AKR1C2: variants seen among roughly 807,000 people sequenced by gnomAD.
The protein encoded by AKR1C2 is 3-alpha-HSD3.
A neutral mutation model predicts 39.8 loss-of-function variants in AKR1C2; 27 were observed. The observed-to-expected ratio is 0.68, with a 90% CI of 0.50 to 0.93. The LOEUF is 0.93. Ranked by LOEUF, AKR1C2 falls within the 40% of genes least tolerant of loss-of-function variation. The pLI, the probability that AKR1C2 is intolerant of heterozygous loss-of-function variation, is 0.00. For missense variants in AKR1C2, 263 were observed against 365.1 expected (o/e 0.72, Z 2.28); for synonymous variants, 114 against 137.9 (o/e 0.83, Z 1.22).
At chr10:5,007,491 G>A (rs1368113580), upstream of AKR1C2, 4 of 151,756 alleles carry the variant, frequency 2.6e-5, no homozygotes, top group Admixed American at 6.6e-5. Context: ...GATGCAGTAT[G>A]TCATTCCAAT....
upstream of AKR1C2, among the ~76,000 whole-genome samples, chr10:5,006,765 C>CA (rs1204849904): frequency 5.4e-4 from 80 of 146,886 alleles, no homozygotes; most frequent in African/African-American, 1.9e-3. Flanking sequence ...CCATATTTGG[C>CA]AAAAAAATTA....
At chr10:5,000,353 A>T in intron 3 of AKR1C2, 197 bp downstream of exon 3, 1 of 1,541,602 alleles carries the variant, frequency 6.5e-7, no homozygotes, top group Non-Finnish European at 8.7e-7. Context: ...CTTTTCTTGT[A>T]GACATGCAAT....
intron 5 of AKR1C2, among the ~76,000 whole-genome samples, chr10:4,997,820 A>G (rs1229481052): frequency 6.6e-6 from 1 of 152,242 alleles, no homozygotes; most frequent in Non-Finnish European, 1.5e-5. Context: ...TGTGTGTAAC[A>G]TTTGGGGGCA....
rs542663015 is a variant in AKR1C2 at position 5,010,127 on chromosome 10, C to T, written c.-87-6205G>A. Among the ~76,000 whole-genome samples, 682 of 144,186 alleles carry T rather than the reference C, an allele frequency of 4.7e-3. 4 individuals are homozygous for T. The highest frequency in any genetic ancestry group is 0.017 in the African/African-American group (644 of 38,650). 94.6% of individuals were successfully genotyped at this position (144,186 alleles called of 152,430 possible). A position where few individuals can be genotyped will look rare whatever the true frequency, so the allele number is the denominator to read the frequency against. On this transcript the variant is annotated intron_variant, in intron 1 of 6. Coordinates refer to the AKR1C2 transcript ENST00000604507. ...GGTCCATGGAGCTGCAGACTCAAGC[C>T]GTCTGCAGATGGCAAAGCTGAAAGA...
chr10:4,990,512 A>G (rs61854355), intron 8 of AKR1C2, among the ~76,000 whole-genome samples: 12,604 of 152,242 alleles, frequency 0.083, 554 homozygotes, highest in Middle Eastern at 0.13. Context: ...ATTACTTACT[A>G]CCTGCCTATC....
rs782239095 is a variant in AKR1C2, at chr10:4,995,742, G to A, written c.680+14C>T. On this transcript the variant is annotated intron_variant, in intron 6 of 8. Transcript: ENST00000380753. ...AACCAGTGTTTTAGGTAAACTTCCT[G>A]TATCTCTTATTACCATGGTTCTTCT... 6.2e-7 allele frequency: 1 copy of A among 1,606,646 alleles called. No homozygotes were observed. Among genetic ancestry groups the A allele is most frequent in the Non-Finnish European group, 8.5e-7 (1 of 1,178,030 alleles).
chr10:4,988,303 G>A lies in AKR1C2; in HGVS notation c.*1693C>T, dbSNP rs1447640605. ...GTTAAGGTAGAACAGGATGGCCATG[G>A]TTTACATGAGATTTCTTTGAGACAT... On this transcript the variant is annotated 3_prime_UTR_variant, in exon 9 of 9. Coordinates refer to ENST00000380753, the MANE Select transcript of AKR1C2 (RefSeq NM_001393392.1). 6.6e-6 allele frequency: 1 copy of A among 152,166 alleles called. No individual in the cohort carries two copies. Among genetic ancestry groups the A allele is most frequent in the African/African-American group, 2.4e-5 (1 of 41,436 alleles). The allele number at this position is 152,166 out of a possible 1,614,324, so 9.4% of individuals were successfully genotyped here.
At chr10:5,010,824 C>T (rs1427409955) in intron 1 of AKR1C2, among the ~76,000 whole-genome samples, 1 of 152,108 alleles carries the variant, frequency 6.6e-6, no homozygotes, top group Admixed American at 6.5e-5. Context: ...AATAGCTTTG[C>T]AAGCTTTTAA....
intron 1 of AKR1C2, among the ~76,000 whole-genome samples, chr10:5,003,512 G>A (rs555696794): frequency 5.3e-5 from 8 of 151,326 alleles, no homozygotes; most frequent in South Asian, 2.2e-4. Context: ...CAGGCAAGCC[G>A]TGTTCTTTCT....
chr10:4,996,436 A>C (rs1837042854), intron 5 of AKR1C2, among the ~76,000 whole-genome samples: 1 of 149,344 alleles, frequency 6.7e-6, no homozygotes, highest in East Asian at 1.9e-4. Flanking sequence ...TTGTATGTTG[A>C]TATCTCAAAT....
upstream of AKR1C2, chr10:5,007,397 A>C (rs1338257321): frequency 1.3e-5 from 2 of 151,606 alleles, no homozygotes; most frequent in Admixed American, 6.6e-5. Context: ...AATGTGAAGC[A>C]GAAACGTACC....
chr10:4,998,710 G>C lies in AKR1C2; in HGVS notation c.485C>G (p.Ser162Cys). Reference protein sequence around the residue: ...EKCKDAGLAKSIGVSNFNHRL... With the variant: ...EKCKDAGLAKCIGVSNFNHRL... ...GTGGTTGAAGTTGGACACCCCGATG[G>C]ACTTGGCCAATCCTGCATCTTTACA... The change falls in exon 5 of 9, where the codon TCC becomes TGC. Residue 162 changes from serine to cysteine, a missense_variant. This residue lies in a region of AKR1C2 where 247 missense variants were observed against 267.9 expected (regional missense o/e 0.92). Transcript: ENST00000380753. 6.2e-7 allele frequency: 1 copy of C among 1,614,166 alleles called. No individual in the cohort carries two copies. The highest frequency in any genetic ancestry group is 8.5e-7 in the Non-Finnish European group (1 of 1,180,028).
chr10:4,992,679 G>C (rs541875529), intron 7 of AKR1C2, among the ~76,000 whole-genome samples: 1 of 147,452 alleles, frequency 6.8e-6, no homozygotes, highest in Non-Finnish European at 1.5e-5. Context: ...TGCCGGGCAC[G>C]TTGGCTCACG....
At position 5,001,458 on chromosome 10, in the gene AKR1C2, C is replaced by G. The variant is rs1837269848; in HGVS notation, c.252+56G>C. 7 of 1,571,666 alleles carry G rather than the reference C, an allele frequency of 4.5e-6. No homozygotes were observed. The South Asian group carries it at 8.5e-5, about 19-fold the overall frequency. On this transcript the variant is annotated intron_variant, in intron 2 of 8. Transcript: ENST00000380753. The stretch of plus-strand genomic sequence containing the variant: ...TATGGATCCAGTCATAGAACTGCCA[C>G]CTCCACACAATCACAATAAATACAT...
intron 5 of AKR1C2, among the ~76,000 whole-genome samples, chr10:4,997,784 A>G (rs1473332710): frequency 8.5e-5 from 13 of 152,224 alleles, no homozygotes; most frequent in Admixed American, 2.0e-4. Context: ...GTTACTGGGA[A>G]AGGTGTAGTG....
chr10:4,991,872 T>A lies in AKR1C2; in HGVS notation c.888A>T (p.Ile296=). The A allele has an allele frequency of 1.9e-6, 1 of 536,792 alleles. No homozygotes were observed. The highest frequency in any genetic ancestry group is 3.0e-5 in the East Asian group (1 of 33,664). The allele number at this position is 536,792 out of a possible 1,614,324, so 33.3% of individuals were successfully genotyped here. A position where few individuals can be genotyped will look rare whatever the true frequency, so the allele number is the denominator to read the frequency against. The change falls in exon 8 of 9, where the codon ATA becomes ATT. Residue 296 remains isoleucine, a synonymous_variant. Coordinates refer to ENST00000380753, the MANE Select transcript of AKR1C2 (RefSeq NM_001393392.1). ...FQLTSEEMKA[I]DGLNRNVRYL... ...ATCGCACATTTCTGTTTAGGCCATCTATGGCTTTCATCTCCTCTGAAGTCA... is the reference window on the plus strand; with the variant it reads ...ATCGCACATTTCTGTTTAGGCCATCAATGGCTTTCATCTCCTCTGAAGTCA...
chr10:5,015,967 G>T (rs1837631481), intron 1 of AKR1C2: 1 of 152,088 alleles, frequency 6.6e-6, no homozygotes, highest in Non-Finnish European at 1.5e-5. Context: ...GAAAGAAGGT[G>T]GAGGTGCTAC....
chr10:4,999,034 T>G (rs1170623361), intron 4 of AKR1C2, among the ~76,000 whole-genome samples, 166 bp downstream of exon 4: 2 of 152,188 alleles, frequency 1.3e-5, no homozygotes, highest in African/African-American at 4.8e-5. Flanking sequence ...TTCTCTCTTT[T>G]GTATGCCTGT....
chr10:5,005,295 C>T (rs1184616815), upstream of AKR1C2, among the ~76,000 whole-genome samples: 20 of 152,160 alleles, frequency 1.3e-4, no homozygotes, highest in Non-Finnish European at 2.6e-4. Context: ...GAGAACCTGC[C>T]GCACATATAA....
Sources: allele counts gnomAD v4.1 joint callset (sites outside exome capture counted in the v4.1 genomes callset), GRCh38; gene constraint gnomAD v4.1.1; regional missense constraint gnomAD v4.1.1; transcripts MANE v1.5; gene names NCBI Gene and HGNC (gene_info 2026-07-23, HGNC 2026-07-21).